Variants in DLG2 observed in about 807,000 individuals in gnomAD.
DLG2 encodes the protein disks large homolog 2.
In DLG2, 45 loss-of-function variants were observed where a neutral mutation model predicts 132.5. That is an observed-to-expected ratio of 0.34 (90% CI 0.27 to 0.44). The LOEUF (loss-of-function observed/expected upper bound fraction) is 0.44. DLG2 is among the 20% of genes least tolerant of loss of function. The probability of loss-of-function intolerance (pLI) is 1.00; values close to 1 mark genes in which losing one functional copy is unlikely to be tolerated. For synonymous variants in DLG2, 424 were observed against 419.6 expected (o/e 1.01, Z -0.13); for missense variants, 1,045 against 1,196.9 (o/e 0.87, Z 1.87).
chr11:85,602,894 A>G (rs1001511745), intron 2 of DLG2, among the ~76,000 whole-genome samples: 1 of 152,166 alleles, frequency 6.6e-6, no homozygotes, highest in African/African-American at 2.4e-5. Context: ...CTTCTTTCAT[A>G]TCTCTGCTTA....
At chr11:84,907,170 G>C (rs1304315727) in intron 6 of DLG2, among the ~76,000 whole-genome samples, 1 of 152,126 alleles carries the variant, frequency 6.6e-6, no homozygotes, top group African/African-American at 2.4e-5. Context: ...ATCCGCCCCT[G>C]ACTGACAAGT....
At chr11:84,977,105 T>C (rs1261919511) in intron 6 of DLG2, among the ~76,000 whole-genome samples, 2 of 152,144 alleles carry the variant, frequency 1.3e-5, no homozygotes, top group African/African-American at 4.8e-5. Flanking sequence ...GTCTTTGAAG[T>C]AACTTAGGAG....
intron 6 of DLG2, among the ~76,000 whole-genome samples, chr11:85,073,578 T>A (rs148112777): frequency 6.2e-4 from 94 of 151,972 alleles, no homozygotes; most frequent in African/African-American, 2.2e-3. Context: ...TAGTACCACC[T>A]GTAAATCTAG....
intron 3 of DLG2, chr11:85,453,197 CA>C: frequency 2.7e-6 from 1 of 365,298 alleles, no homozygotes; most frequent in South Asian, 6.2e-5. Context: ...CACCAAAGGC[CA>C]AGAGGGAGAT....
rs1211764501 is a variant in DLG2 at position 85,184,690 on chromosome 11, C to T, written c.187-30039G>A. 4.0e-5 allele frequency among the ~76,000 whole-genome samples: 6 copies of T among 151,886 alleles called. No individual in the cohort carries two copies. The South Asian group carries it at 6.2e-4, about 16-fold the overall frequency. ...AATACTATTAGGGCATAAATTAATA[C>T]ACATAGTTAAAATTTTAATATAAAC... On this transcript the variant is annotated intron_variant, in intron 4 of 27. Transcript: ENST00000376104.
chr11:84,558,120 T>C (rs1407478502), intron 6 of DLG2, among the ~76,000 whole-genome samples: 1 of 152,176 alleles, frequency 6.6e-6, no homozygotes, highest in Non-Finnish European at 1.5e-5. Context: ...GATTTTTAAC[T>C]CTAGTATTCA....
chr11:83,875,770 G>T (rs752245155), intron 15 of DLG2, among the ~76,000 whole-genome samples: 1 of 152,150 alleles, frequency 6.6e-6, no homozygotes, highest in Non-Finnish European at 1.5e-5. Context: ...CATGGCAAAT[G>T]CTGACATTGC....
At chr11:84,643,201 G>A (rs374507394) in intron 6 of DLG2, among the ~76,000 whole-genome samples, 14 of 152,158 alleles carry the variant, frequency 9.2e-5, no homozygotes, top group African/African-American at 2.2e-4. Context: ...GGCAGGATGC[G>A]AGGTGATTAG....
intron 8 of DLG2, among the ~76,000 whole-genome samples, chr11:84,239,257 T>C (rs1020939528): frequency 2.6e-5 from 4 of 151,162 alleles, no homozygotes; most frequent in East Asian, 3.9e-4. Context: ...CTCGGCTCAC[T>C]GCAACCTCAA....
intron 6 of DLG2, among the ~76,000 whole-genome samples, chr11:85,026,227 AG>A (rs1227409822): frequency 6.6e-6 from 1 of 152,166 alleles, no homozygotes; most frequent in Non-Finnish European, 1.5e-5. Context: ...AGTAGCCAAA[AG>A]GTTCTTAAAT....
intron 6 of DLG2, among the ~76,000 whole-genome samples, chr11:84,644,879 C>T (rs910993201): frequency 1.1e-4 from 16 of 152,246 alleles, no homozygotes; most frequent in African/African-American, 2.9e-4. Flanking sequence ...GCCTCTCCCT[C>T]ATCCTCTGCC....
intron 3 of DLG2, among the ~76,000 whole-genome samples, chr11:85,373,575 C>A (rs749292245): frequency 6.6e-6 from 1 of 152,116 alleles, no homozygotes; most frequent in Non-Finnish European, 1.5e-5. Context: ...GGTGGAGCCT[C>A]AGGAAGTTCA....
intron 17 of DLG2, among the ~76,000 whole-genome samples, chr11:83,801,911 A>G (rs983381794): frequency 6.6e-6 from 1 of 152,186 alleles, no homozygotes; most frequent in African/African-American, 2.4e-5. Flanking sequence ...AACTTTATTT[A>G]AATCATTAAA....
intron 9 of DLG2, among the ~76,000 whole-genome samples, chr11:84,156,385 T>C (rs762327052): frequency 6.6e-6 from 1 of 152,208 alleles, no homozygotes; most frequent in Non-Finnish European, 1.5e-5. Flanking sequence ...TGACCGAGCA[T>C]GGATAATAGA....
At chr11:85,377,807 G>GTA (rs1565400944) in intron 3 of DLG2, among the ~76,000 whole-genome samples, 37 of 85,302 alleles carry the variant, frequency 4.3e-4, no homozygotes, top group Non-Finnish European at 8.9e-4. Flanking sequence ...ATATATATGT[G>GTA]TGTGTGTGTG....
At chr11:84,071,864 A>C (rs748746594) in intron 10 of DLG2, among the ~76,000 whole-genome samples, 3 of 152,218 alleles carry the variant, frequency 2.0e-5, no homozygotes, top group Non-Finnish European at 4.4e-5. Flanking sequence ...AATTTCTGTG[A>C]TTTCTGCAGC....
chr11:84,753,417 G>T (rs963598239), intron 6 of DLG2, among the ~76,000 whole-genome samples: 2 of 152,184 alleles, frequency 1.3e-5, no homozygotes, highest in Non-Finnish European at 2.9e-5. Context: ...ACAGTAGTAA[G>T]AAGTAGCCAT....
chr11:84,690,132 A>G (rs1335012137), intron 6 of DLG2, among the ~76,000 whole-genome samples: 3 of 151,816 alleles, frequency 2.0e-5, no homozygotes, highest in Non-Finnish European at 4.4e-5. Context: ...GGTAGGGGGA[A>G]AAAGAGATGG....
At chr11:84,211,987 T>C (rs896324536) in intron 8 of DLG2, among the ~76,000 whole-genome samples, 2 of 152,216 alleles carry the variant, frequency 1.3e-5, no homozygotes, top group Admixed American at 6.5e-5. Context: ...AAAGGCTCAG[T>C]GCATTGCATA....
Sources: allele counts gnomAD v4.1 joint callset (sites outside exome capture counted in the v4.1 genomes callset), GRCh38; gene constraint gnomAD v4.1.1; transcripts MANE v1.5; gene names NCBI Gene and HGNC (gene_info 2026-07-23, HGNC 2026-07-21).